Variants in S100PBP observed in about 807,000 individuals in gnomAD.
S100PBP encodes the protein S100P-binding protein.
A neutral mutation model predicts 39.9 loss-of-function variants in S100PBP; 15 were observed. The observed-to-expected ratio is 0.38, with a 90% CI of 0.25 to 0.58. The LOEUF is 0.58. Among genes scored for constraint, S100PBP ranks in the 20% least tolerant of loss-of-function variants. S100PBP has a pLI of 0.70. For missense variants in S100PBP, 504 were observed against 487.3 expected (o/e 1.03, Z -0.32); for synonymous variants, 178 against 180.3 (o/e 0.99, Z 0.10).
At chr1:32,847,470 C>A (rs558787523) in intron 5 of S100PBP, 1 of 152,018 alleles carries the variant, frequency 6.6e-6, no homozygotes, top group Non-Finnish European at 1.5e-5. Flanking sequence ...AGGTTAAGTC[C>A]CCCATTCATC....
chr1:32,827,977 C>G lies in S100PBP; in HGVS notation c.832-16C>G, dbSNP rs1261875143. The G allele has an allele frequency of 3.8e-6, 6 of 1,569,458 alleles. No individual in the cohort carries two copies. Among genetic ancestry groups the G allele is most frequent in the South Asian group, 1.1e-5 (1 of 88,508 alleles). ...AAGAATCACCTTTCCTTTTGCATTC[C>G]TTTTCCTCAAAAAAGCAGGATGTTC... On this transcript the variant is annotated splice_polypyrimidine_tract_variant and intron_variant, in intron 3 of 6. Transcript: ENST00000373475.
upstream of S100PBP, chr1:32,817,377 A>G (rs2148621276): frequency 8.4e-7 from 1 of 1,188,084 alleles, no homozygotes; most frequent in Non-Finnish European, 1.2e-6. Flanking sequence ...CGCTCCGCTT[A>G]CTCGGCCTGG....
At chr1:32,825,601 C>G (rs559289586) in intron 2 of S100PBP, 172 bp downstream of exon 2, 3 of 154,252 alleles carry the variant, frequency 1.9e-5, no homozygotes, top group South Asian at 2.0e-4. Flanking sequence ...ACATACAGAT[C>G]TACTTCATTG....
rs1640881747 is a variant in S100PBP, at chr1:32,857,842, T to A, written c.*1804T>A. The A allele has an allele frequency of 6.6e-6, 1 of 152,200 alleles. No homozygotes were observed. Among genetic ancestry groups the A allele is most frequent in the Admixed American group, 6.5e-5 (1 of 15,274 alleles). 9.4% of individuals were successfully genotyped at this position (152,200 alleles called of 1,614,324 possible). A position where few individuals can be genotyped will look rare whatever the true frequency, so the allele number is the denominator to read the frequency against. On this transcript the variant is annotated 3_prime_UTR_variant, in exon 7 of 7. Transcript: ENST00000373475. The stretch of plus-strand genomic sequence containing the variant: ...TTGGTCATTTAAGCCAACAATAAAT[T>A]TAGGTGAATGTCCCTAAGTGTTTAC...
At chr1:32,820,877 G>A (rs1216134453) in intron 1 of S100PBP, among the ~76,000 whole-genome samples, 1 of 152,156 alleles carries the variant, frequency 6.6e-6, no homozygotes, top group Non-Finnish European at 1.5e-5. Context: ...GTATGGTGGT[G>A]TGTACCTGTA....
chr1:32,839,598 G>A (rs1639995593), intron 5 of S100PBP, among the ~76,000 whole-genome samples: 1 of 152,150 alleles, frequency 6.6e-6, no homozygotes, highest in East Asian at 1.9e-4. Context: ...CACAACCGTA[G>A]TGCAGTACAG....
Position 32,856,167 on chromosome 1 carries a change from A to G in S100PBP, c.*129A>G. ...TTTTTCACAAAATTTTTATTTAAAAAACTCGTCACCTTTTGGAAATGCCCA... is the reference window on the plus strand; with the variant it reads ...TTTTTCACAAAATTTTTATTTAAAAGACTCGTCACCTTTTGGAAATGCCCA... On this transcript the variant is annotated 3_prime_UTR_variant, in exon 7 of 7. Transcript: ENST00000373475. The G allele has an allele frequency of 1.7e-6, 1 of 577,770 alleles. No homozygotes were observed. The highest frequency in any genetic ancestry group is 2.9e-6 in the Non-Finnish European group (1 of 339,072). 35.8% of individuals were successfully genotyped at this position (577,770 alleles called of 1,614,324 possible). A position where few individuals can be genotyped will look rare whatever the true frequency, so the allele number is the denominator to read the frequency against.
At chr1:32,849,620 G>A (rs982707479) in intron 5 of S100PBP, among the ~76,000 whole-genome samples, 1 of 152,192 alleles carries the variant, frequency 6.6e-6, no homozygotes, top group Non-Finnish European at 1.5e-5. Context: ...CTAACAATAA[G>A]TTAGTTATTA....
chr1:32,850,190 G>C (rs1640553102), intron 5 of S100PBP, among the ~76,000 whole-genome samples: 1 of 152,190 alleles, frequency 6.6e-6, no homozygotes, highest in Non-Finnish European at 1.5e-5. Flanking sequence ...GATAAGAAAT[G>C]AGTGAGCTGA....
In S100PBP at chr1:32,821,859, G is replaced by A. The variant is rs796939358; in HGVS notation, c.-119-3454G>A. On this transcript the variant is annotated intron_variant, in intron 1 of 6. Transcript: ENST00000373475. ...CCGCCATGTTGGTCAGGCTGGTCTCGAACTCCTGGCCTCAAGTGATCCGCC... is the reference window on the plus strand; with the variant it reads ...CCGCCATGTTGGTCAGGCTGGTCTCAAACTCCTGGCCTCAAGTGATCCGCC... Among the ~76,000 whole-genome samples the A allele has an allele frequency of 4.6e-5, 7 of 152,000 alleles. No homozygotes were observed. The South Asian group carries it at 1.2e-3, about 27-fold the overall frequency.
chr1:32,830,663 G>T (rs887314085), intron 5 of S100PBP, among the ~76,000 whole-genome samples: 4 of 152,192 alleles, frequency 2.6e-5, no homozygotes, highest in African/African-American at 9.7e-5. Context: ...TTGGCTGATG[G>T]GAAAGCTCCT....
intron 5 of S100PBP, among the ~76,000 whole-genome samples, chr1:32,845,342 C>T (rs1640317965): frequency 6.6e-6 from 1 of 152,156 alleles, no homozygotes; most frequent in Non-Finnish European, 1.5e-5. Flanking sequence ...ACTTGGGAGG[C>T]TGAGGTGGGA....
intron 1 of S100PBP, chr1:32,818,502 C>T (rs1638871879): frequency 6.6e-6 from 1 of 152,334 alleles, no homozygotes; most frequent in Non-Finnish European, 1.5e-5. Context: ...AACCTGATCT[C>T]CGGTGTTTTG....
chr1:32,839,110 T>C (rs550024070), intron 5 of S100PBP, among the ~76,000 whole-genome samples: 2 of 152,260 alleles, frequency 1.3e-5, no homozygotes, highest in African/African-American at 4.8e-5. Context: ...CATAGCTCTA[T>C]ACCCATTAAA....
At chr1:32,838,496 T>A (rs1239897460) in intron 5 of S100PBP, among the ~76,000 whole-genome samples, 1 of 152,186 alleles carries the variant, frequency 6.6e-6, no homozygotes, top group African/African-American at 2.4e-5. Context: ...CCCAACTTTT[T>A]AATTATAAAA....
At chr1:32,830,804 T>C (rs753667263) in intron 5 of S100PBP, among the ~76,000 whole-genome samples, 4 of 152,150 alleles carry the variant, frequency 2.6e-5, no homozygotes, top group Non-Finnish European at 4.4e-5. Flanking sequence ...TCAGCACTTT[T>C]GGAGGCAGAG....
intron 6 of S100PBP, among the ~76,000 whole-genome samples, chr1:32,854,301 C>T (rs1392634231): frequency 6.6e-6 from 1 of 152,174 alleles, no homozygotes; most frequent in Non-Finnish European, 1.5e-5. Flanking sequence ...AACCTGTGCA[C>T]ATCCTTCCAT....
At chr1:32,842,912 A>G (rs964116955) in intron 5 of S100PBP, 1 of 152,134 alleles carries the variant, frequency 6.6e-6, no homozygotes, top group African/African-American at 2.4e-5. Context: ...TAACATTTTA[A>G]TATTGAGTGT....
At chr1:32,854,852 G>T (rs1640761672) in intron 6 of S100PBP, among the ~76,000 whole-genome samples, 1 of 152,188 alleles carries the variant, frequency 6.6e-6, no homozygotes, top group Non-Finnish European at 1.5e-5. Flanking sequence ...GCATTTCTCA[G>T]AAGGAAAGGC....
Sources: gnomAD v4.1 joint callset for allele counts (sites outside exome capture counted in the v4.1 genomes callset) on GRCh38, gnomAD v4.1.1 for gene constraint, MANE v1.5 for transcripts, NCBI Gene and HGNC (gene_info 2026-07-23, HGNC 2026-07-21) for gene names.